The following NUSAP1 variants were observed in gnomAD, a reference collection of about 807,000 sequenced individuals.
The protein encoded by NUSAP1 is nucleolar and spindle-associated protein 1.
Under a neutral mutation model 52.8 loss-of-function variants are expected in NUSAP1, and 32 were observed. The ratio of observed to expected loss-of-function variants is 0.61; its 90% CI spans 0.46 to 0.81. The LOEUF (loss-of-function observed/expected upper bound fraction) is 0.81, where lower values mean the gene tolerates loss of function less well. NUSAP1 is among the 40% of genes least tolerant of loss of function. NUSAP1 has a pLI of 0.00. For missense variants in NUSAP1, 499 were observed against 522.3 expected, an observed-to-expected ratio of 0.96 and a Z score of 0.43; for synonymous variants, 195 against 183.1, an observed-to-expected ratio of 1.06 and a Z score of -0.52.
At chr15:41,367,065 A>G (rs2140788211) in intron 7 of NUSAP1, among the ~76,000 whole-genome samples, 1 of 152,332 alleles carries the variant, frequency 6.6e-6, no homozygotes, top group Non-Finnish European at 1.5e-5. Context: ...TGGCTTTGCC[A>G]GGTTTGGGAC....
Position 41,346,828 on chromosome 15 carries a change from AAAATAAATAAATAAAT to A in NUSAP1, c.163-2232_163-2217del, listed in dbSNP as rs71431808. ...GGCAACAGAGCCAGACCCCGTCTCA[AAAATAAATAAATAAAT>A]AAATAAATAAATAAATAAATAAATA... On this transcript the variant is annotated intron_variant, in intron 2 of 10. Transcript: ENST00000559596. 7.5e-3 allele frequency among the ~76,000 whole-genome samples: 972 copies of A among 130,310 alleles called. 8 individuals carry two copies. The highest frequency in any genetic ancestry group is 9.2e-3 in the South Asian group (35 of 3,788). The allele number at this position is 130,310 out of a possible 152,430, so 85.5% of individuals were successfully genotyped here.
At chr15:41,339,862 A>C (rs1194635859) in intron 1 of NUSAP1, among the ~76,000 whole-genome samples, 1 of 151,482 alleles carries the variant, frequency 6.6e-6, no homozygotes, top group East Asian at 1.9e-4. Context: ...GCTCACTGCA[A>C]CCTCCACCTC....
intron 8 of NUSAP1, among the ~76,000 whole-genome samples, chr15:41,373,699 C>A (rs1022514347): frequency 6.6e-6 from 1 of 151,860 alleles, no homozygotes; most frequent in African/African-American, 2.4e-5. Context: ...CCGCTCACCT[C>A]GGCCTGCCAA....
chr15:41,337,445 C>G (rs994074372), intron 1 of NUSAP1, among the ~76,000 whole-genome samples: 1 of 152,172 alleles, frequency 6.6e-6, no homozygotes, highest in Non-Finnish European at 1.5e-5. Context: ...GGACTACATT[C>G]CTACAATTAG....
intron 8 of NUSAP1, among the ~76,000 whole-genome samples, chr15:41,374,007 C>T (rs1307951471): frequency 6.6e-6 from 1 of 152,060 alleles, no homozygotes; most frequent in African/African-American, 2.4e-5. Context: ...GGCTAACACA[C>T]TGAAACCCCG....
chr15:41,378,074 A>G (rs2050043252), intron 10 of NUSAP1, among the ~76,000 whole-genome samples: 1 of 152,122 alleles, frequency 6.6e-6, no homozygotes, highest in East Asian at 1.9e-4. Context: ...AAATCAGCAG[A>G]TTTGGGGTGA....
intron 2 of NUSAP1, chr15:41,344,224 A>C: frequency 6.6e-6 from 1 of 151,858 alleles, no homozygotes; most frequent in African/African-American, 2.4e-5. Flanking sequence ...AAAAAAAAAA[A>C]AAAAAAAAGA....
At chr15:41,374,352 G>T (rs184117966) in intron 8 of NUSAP1, among the ~76,000 whole-genome samples, 14 of 152,108 alleles carry the variant, frequency 9.2e-5, no homozygotes, top group Non-Finnish European at 5.9e-5. Flanking sequence ...ACTTCTTGTT[G>T]TATGCTCATG....
rs778005789 is a variant in NUSAP1, at chr15:41,349,187, T to C, written c.252T>C (p.His84=). 4 of 1,613,884 alleles carry C rather than the reference T, an allele frequency of 2.5e-6. No homozygotes were observed. Among genetic ancestry groups the C allele is most frequent in the Non-Finnish European group, 3.4e-6 (4 of 1,179,798 alleles). ...AAGCTGAGAGACAGCCACTTGGCCA[T>C]GTCACCAAAACAAGGAGAAGGTGCA... The part of the protein sequence containing the change: ...QEEAERQPLG[H]VTKTRRRCKT... Residue 84 remains histidine (H), a synonymous_variant, in exon 3 of 11, where the codon CAT becomes CAC. Transcript: ENST00000559596.
intron 8 of NUSAP1, among the ~76,000 whole-genome samples, chr15:41,372,662 T>C (rs2049748755): frequency 6.6e-6 from 1 of 152,204 alleles, no homozygotes; most frequent in African/African-American, 2.4e-5. Flanking sequence ...CATTTGATAC[T>C]GATACAGTGG....
At chr15:41,351,537 T>C (rs1471610711) in intron 4 of NUSAP1, among the ~76,000 whole-genome samples, 2 of 152,290 alleles carry the variant, frequency 1.3e-5, no homozygotes, top group East Asian at 1.9e-4. Flanking sequence ...TATAATCCCA[T>C]TACTTTGGGA....
At chr15:41,345,536 C>T (rs1217209197) in intron 2 of NUSAP1, 13 of 400,842 alleles carry the variant, frequency 3.2e-5, no homozygotes, top group African/African-American at 2.0e-4. Context: ...CTCGGCTCAC[C>T]GCAACCTCCA....
intron 6 of NUSAP1, among the ~76,000 whole-genome samples, chr15:41,361,944 T>C (rs1173662165): frequency 2.6e-5 from 4 of 152,170 alleles, no homozygotes; most frequent in African/African-American, 9.6e-5. Context: ...TGATGGACAG[T>C]AATAAGCAGA....
chr15:41,361,448 C>G (rs1196932390), intron 6 of NUSAP1, among the ~76,000 whole-genome samples: 1 of 151,748 alleles, frequency 6.6e-6, no homozygotes, highest in African/African-American at 2.4e-5. Flanking sequence ...CAGCCAGACA[C>G]AGTGGCTCAC....
Position 41,349,239 on chromosome 15 carries a change from C to A in NUSAP1, c.304C>A (p.Gln102Lys). Reference sequence around the variant, plus strand: ...GACTGTCCGTGTGGACCCTGACTCACAGGTGAATGGAAATATACAAACTGA... The same window carrying A: ...GACTGTCCGTGTGGACCCTGACTCAAAGGTGAATGGAAATATACAAACTGA... ...CKTVRVDPDSQQNHSEIKISN... is the reference protein window; with the variant it reads ...CKTVRVDPDSKQNHSEIKISN... The change falls in exon 3 of 11, where the codon CAG (glutamine) becomes AAG (lysine). Residue 102 changes from glutamine to lysine, a missense_variant and splice_region_variant. Transcript: ENST00000559596. The A allele has an allele frequency of 6.2e-7, 1 of 1,612,228 alleles. No homozygotes were observed. The highest frequency in any genetic ancestry group is 8.5e-7 in the Non-Finnish European group (1 of 1,179,162).
chr15:41,333,584 T>C (rs2048003454), intron 1 of NUSAP1, among the ~76,000 whole-genome samples: 1 of 152,204 alleles, frequency 6.6e-6, no homozygotes, highest in African/African-American at 2.4e-5. Flanking sequence ...GTTGATGGTC[T>C]CTATCAAAAC....
At chr15:41,333,695 C>A (rs944220161) in intron 1 of NUSAP1, among the ~76,000 whole-genome samples, 1 of 152,120 alleles carries the variant, frequency 6.6e-6, no homozygotes, top group Non-Finnish European at 1.5e-5. Flanking sequence ...TCGAGGCAGG[C>A]GGATCACCTG....
chr15:41,360,524 G>T (rs1471611415), intron 6 of NUSAP1, among the ~76,000 whole-genome samples: 2 of 151,916 alleles, frequency 1.3e-5, no homozygotes, highest in Non-Finnish European at 2.9e-5. Context: ...CACTATGTTG[G>T]CCAGGCTAGT....
At position 41,370,178 on chromosome 15, in the gene NUSAP1, G is replaced by A. The variant is rs1454679763; in HGVS notation, c.849-1349G>A. ...GGGCGGATCATGAGGTCAGGAGATC[G>A]AGACCATCCTGGCTAACACAGTGAA... On this transcript the variant is annotated intron_variant, in intron 7 of 10. Transcript: ENST00000559596. Among the ~76,000 whole-genome samples, 4 of 146,844 alleles carry A rather than the reference G, an allele frequency of 2.7e-5. No individual in the cohort carries two copies. The Admixed American group carries it at 2.7e-4, about 10-fold the overall frequency.
Sources: allele counts gnomAD v4.1 joint callset (sites outside exome capture counted in the v4.1 genomes callset), GRCh38; gene constraint gnomAD v4.1.1; transcripts MANE v1.5; gene names NCBI Gene and HGNC (gene_info 2026-07-23, HGNC 2026-07-21).